Variants in CTNNA1 observed in about 807,000 individuals in gnomAD.
CTNNA1 encodes the protein catenin alpha-1.
Under a neutral mutation model 98.4 loss-of-function variants are expected in CTNNA1, and 37 were observed. The ratio of observed to expected loss-of-function variants is 0.38; its 90% confidence interval spans 0.29 to 0.49. The LOEUF (loss-of-function observed/expected upper bound fraction) is 0.49, where lower values mean the gene tolerates loss of function less well. CTNNA1 is among the 20% of genes least tolerant of loss of function. The pLI is 0.95. For missense variants in CTNNA1, 761 were observed against 1,147.2 expected, an observed-to-expected ratio of 0.66 and a Z score of 4.86; for synonymous variants, 404 against 413.2, an observed-to-expected ratio of 0.98 and a Z score of 0.27.
intron 3 of CTNNA1, chr5:138,791,017 C>G (rs555635058): frequency 6.6e-6 from 1 of 152,262 alleles, no homozygotes; most frequent in East Asian, 1.9e-4. Context: ...TCCTTTGTCC[C>G]CCAGATGGCC....
intron 9 of CTNNA1, among the ~76,000 whole-genome samples, chr5:138,899,040 A>G (rs1757489778): frequency 1.3e-5 from 2 of 152,140 alleles, no homozygotes; most frequent in East Asian, 1.9e-4. Context: ...AAATCTGCCT[A>G]ATTATTTTTG....
chr5:138,898,961 A>G (rs1357298701), intron 9 of CTNNA1, among the ~76,000 whole-genome samples: 3 of 152,212 alleles, frequency 2.0e-5, no homozygotes, highest in African/African-American at 7.2e-5. Flanking sequence ...TTAAGTCAAT[A>G]TCACTTTAAA....
At chr5:138,860,371 A>C (rs1248985343) in intron 7 of CTNNA1, among the ~76,000 whole-genome samples, 2 of 152,186 alleles carry the variant, frequency 1.3e-5, no homozygotes, top group Non-Finnish European at 2.9e-5. Context: ...CCACTTATGC[A>C]CTGTAATTTT....
At chr5:138,888,292 TCTC>T (rs775619713) in intron 9 of CTNNA1, among the ~76,000 whole-genome samples, 29 of 152,182 alleles carry the variant, frequency 1.9e-4, no homozygotes, top group Non-Finnish European at 3.7e-4. Flanking sequence ...TAGGCTTACT[TCTC>T]CTTTTGCTAA....
At chr5:138,927,755 C>A (rs1034468112) in intron 13 of CTNNA1, among the ~76,000 whole-genome samples, 2 of 150,006 alleles carry the variant, frequency 1.3e-5, no homozygotes, top group African/African-American at 2.5e-5. Flanking sequence ...TGAGAGTACT[C>A]GGTTTTCTTG....
intron 3 of CTNNA1, among the ~76,000 whole-genome samples, chr5:138,795,230 G>A (rs1054056803): frequency 1.3e-5 from 2 of 151,420 alleles, no homozygotes; most frequent in East Asian, 3.9e-4. Flanking sequence ...GGGAGGCCGA[G>A]GTGGGTGGAT....
In CTNNA1 at chr5:138,930,840, C is replaced by G; in HGVS notation, c.2203C>G (p.Pro735Ala). Residue 735 changes from proline (P) to alanine (A), a missense_variant, in exon 16 of 18, where the codon CCA becomes GCA. Around this residue, in one of 6 missense-constraint regions of CTNNA1, gnomAD observed 77 missense variants for 198.8 expected, o/e 0.39. Coordinates refer to ENST00000302763, the MANE Select transcript of CTNNA1 (RefSeq NM_001903.5). Reference protein sequence around the residue: ...EMTDFTRGKGPLKNTSDVISA... With the variant: ...EMTDFTRGKGALKNTSDVISA... The stretch of plus-strand genomic sequence containing the variant: ...CTTCCCTCTTCTCAGAGGTAAAGGA[C>G]CACTCAAAAATACATCGGATGTCAT... The G allele has an allele frequency of 1.2e-6, 2 of 1,609,186 alleles. No individual in the cohort carries two copies. Among genetic ancestry groups the G allele is most frequent in the Non-Finnish European group, 1.7e-6 (2 of 1,175,478 alleles).
At chr5:138,833,821 G>C (rs1396855991) in intron 7 of CTNNA1, among the ~76,000 whole-genome samples, 1 of 152,188 alleles carries the variant, frequency 6.6e-6, no homozygotes, top group Non-Finnish European at 1.5e-5. Flanking sequence ...TTAGGACCTT[G>C]TAAGGATAAT....
chr5:138,871,840 AGTTG>A (rs1358587841), intron 7 of CTNNA1: 6 of 151,886 alleles, frequency 4.0e-5, no homozygotes, highest in Non-Finnish European at 5.9e-5. Context: ...ATTATATAAT[AGTTG>A]GAAAGTGTTT....
intron 7 of CTNNA1, among the ~76,000 whole-genome samples, chr5:138,866,680 C>T (rs570869680): frequency 1.6e-4 from 24 of 152,244 alleles, no homozygotes; most frequent in South Asian, 6.2e-4. Context: ...TTGTAGGCTT[C>T]GCAGGATAGG....
intron 7 of CTNNA1, among the ~76,000 whole-genome samples, chr5:138,862,372 G>GT (rs1263069245): frequency 6.6e-5 from 10 of 152,288 alleles, no homozygotes; most frequent in South Asian, 4.2e-4. Context: ...AAAAAGGAAC[G>GT]TAATAGTGAT....
At chr5:138,916,745 T>G (rs1192791003) in intron 10 of CTNNA1, among the ~76,000 whole-genome samples, 1 of 150,792 alleles carries the variant, frequency 6.6e-6, no homozygotes, top group Non-Finnish European at 1.5e-5. Context: ...GCTTTAAAAT[T>G]AATATTTATT....
intron 5 of CTNNA1, among the ~76,000 whole-genome samples, chr5:138,819,840 G>A (rs923557765): frequency 4.5e-5 from 6 of 134,796 alleles, no homozygotes; most frequent in Non-Finnish European, 9.5e-5. Flanking sequence ...GGTAGGAGGT[G>A]ATTGGATTGG....
At chr5:138,818,775 T>C (rs1759709847) in intron 5 of CTNNA1, among the ~76,000 whole-genome samples, 1 of 152,312 alleles carries the variant, frequency 6.6e-6, no homozygotes, top group Admixed American at 6.5e-5. Flanking sequence ...GGGTCCCTGG[T>C]TGTGTCAGGT....
At chr5:138,894,028 C>T (rs1756132357) in intron 9 of CTNNA1, among the ~76,000 whole-genome samples, 1 of 152,186 alleles carries the variant, frequency 6.6e-6, no homozygotes, top group South Asian at 2.1e-4. Flanking sequence ...GCAATTCTCC[C>T]TGCCTCAGCC....
chr5:138,873,216 G>A lies in CTNNA1; in HGVS notation c.1063-12996G>A, dbSNP rs1750855637. ...TGCCTAATTCTTCTTAAAGTGGGAG[G>A]GCAGCACTTCCTGGAGATGAACACT... On this transcript the variant is annotated intron_variant, in intron 7 of 17. Transcript: ENST00000302763. The surrounding 1 kb of genome is among the most constrained non-coding windows in gnomAD (Gnocchi z 6.1). 1.2e-6 allele frequency: 2 copies of A among 1,613,692 alleles called. No individual in the cohort carries two copies. Among genetic ancestry groups the A allele is most frequent in the Non-Finnish European group, 1.7e-6 (2 of 1,179,816 alleles).
chr5:138,854,715 A>T (rs1392895365), intron 7 of CTNNA1, among the ~76,000 whole-genome samples: 1 of 152,068 alleles, frequency 6.6e-6, no homozygotes, highest in Non-Finnish European at 1.5e-5. Flanking sequence ...TCTTTGGATA[A>T]TTTTTTCTCA....
At position 138,824,787 on chromosome 5, in the gene CTNNA1, C is replaced by T. The variant is rs1439421661; in HGVS notation, c.846C>T (p.Leu282=). 3.1e-6 allele frequency: 5 copies of T among 1,612,620 alleles called. No homozygotes were observed. Among genetic ancestry groups the T allele is most frequent in the African/African-American group, 1.3e-5 (1 of 75,024 alleles). Residue 282 remains leucine, a synonymous_variant, in exon 6 of 18, where the codon CTC becomes CTT. Coordinates refer to ENST00000302763, the MANE Select transcript of CTNNA1 (RefSeq NM_001903.5). The part of the protein sequence containing the change: ...GGGGGELAYA[L]NNFDKQIIVD... ...GAGGAGGAGAACTGGCATATGCACT[C>T]AATAACTTTGACGTAAGTTATGCTT...
At chr5:138,931,850 T>C in intron 16 of CTNNA1, 1 of 985,550 alleles carries the variant, frequency 1.0e-6, no homozygotes, top group Non-Finnish European at 1.2e-6. Context: ...TGGTGTACTT[T>C]GCTCCAGCCT....
Sources: allele counts gnomAD v4.1 joint callset (sites outside exome capture counted in the v4.1 genomes callset), GRCh38; gene constraint gnomAD v4.1.1; regional missense constraint gnomAD v4.1.1; non-coding constraint Gnocchi (gnomAD v3.1); transcripts MANE v1.5; gene names NCBI Gene and HGNC (gene_info 2026-07-23, HGNC 2026-07-21).